Variants in SLC4A7 observed in about 807,000 individuals in gnomAD.
SLC4A7 encodes solute carrier family 4 member 7.
SLC4A7 carries 51 observed loss-of-function variants against 137.6 expected under a neutral mutation model. The observed-to-expected ratio is 0.37, with a 90% CI of 0.30 to 0.47. The LOEUF is 0.47. SLC4A7 is among the 20% of genes least tolerant of loss of function. SLC4A7 has a pLI of 1.00. For synonymous variants in SLC4A7, 542 were observed against 518.6 expected, an observed-to-expected ratio of 1.05 and a Z score of -0.61; for missense variants, 1,247 against 1,525.4, an observed-to-expected ratio of 0.82 and a Z score of 3.04.
At chr3:27,399,643 G>A (rs2052553683) in intron 16 of SLC4A7, among the ~76,000 whole-genome samples, 1 of 147,048 alleles carries the variant, frequency 6.8e-6, no homozygotes, top group East Asian at 2.0e-4. Flanking sequence ...TGTTGCCCAG[G>A]CTGGTCTCTA....
intron 11 of SLC4A7, among the ~76,000 whole-genome samples, chr3:27,418,150 A>G (rs575385609): frequency 6.6e-6 from 1 of 152,284 alleles, no homozygotes; most frequent in South Asian, 2.1e-4. Flanking sequence ...GAAAAAGAGA[A>G]TAAGGAATAT....
rs569145273 is a variant in SLC4A7, at chr3:27,375,853, C to T, written c.*911G>A. On this transcript the variant is annotated 3_prime_UTR_variant, in exon 26 of 26. Coordinates refer to ENST00000454389, the MANE Select transcript of SLC4A7 (RefSeq NM_001321103.2). Reference sequence around the variant, plus strand: ...GACCCTTCTGAGAGAATTCTAACTCCTGATTATTTACGCCTACTACTTATA... The same window carrying T: ...GACCCTTCTGAGAGAATTCTAACTCTTGATTATTTACGCCTACTACTTATA... 1.4e-3 allele frequency: 218 copies of T among 152,050 alleles called. No homozygotes were observed. Among genetic ancestry groups the T allele is most frequent in the African/African-American group, 5.1e-3 (211 of 41,536 alleles). The allele number at this position is 152,050 out of a possible 1,614,324, so 9.4% of individuals were successfully genotyped here.
chr3:27,435,933 G>C (rs1341123211), intron 5 of SLC4A7, among the ~76,000 whole-genome samples: 1 of 152,224 alleles, frequency 6.6e-6, no homozygotes, highest in Middle Eastern at 3.4e-3. Flanking sequence ...TAACACTACT[G>C]AAGAAATCTG....
intron 1 of SLC4A7, among the ~76,000 whole-genome samples, chr3:27,473,581 G>A (rs1042135016): frequency 1.3e-5 from 2 of 151,668 alleles, no homozygotes; most frequent in African/African-American, 4.8e-5. Flanking sequence ...GGTGGTGCGT[G>A]CCTGTAGTCC....
At chr3:27,455,804 C>T (rs1421382820) in intron 1 of SLC4A7, among the ~76,000 whole-genome samples, 5 of 151,640 alleles carry the variant, frequency 3.3e-5, no homozygotes, top group Non-Finnish European at 4.4e-5. Flanking sequence ...TTGCAGTGAG[C>T]GCATAGAGCG....
At chr3:27,401,130 TA>T (rs2052704232) in intron 15 of SLC4A7, 1 of 271,488 alleles carries the variant, frequency 3.7e-6, no homozygotes, top group African/African-American at 2.2e-5. Context: ...CTATTTTACT[TA>T]AAAATCTAAG....
intron 24 of SLC4A7, among the ~76,000 whole-genome samples, chr3:27,381,769 T>C (rs1427587350): frequency 1.3e-5 from 2 of 152,212 alleles, no homozygotes; most frequent in Non-Finnish European, 2.9e-5. Flanking sequence ...TTTCGCTAAC[T>C]AATCAGAAAT....
intron 1 of SLC4A7, among the ~76,000 whole-genome samples, chr3:27,476,640 G>C (rs1317989499): frequency 6.6e-6 from 1 of 152,124 alleles, no homozygotes; most frequent in Non-Finnish European, 1.5e-5. Context: ...GTTCTCATTA[G>C]TTCTCATGAG....
intron 1 of SLC4A7, among the ~76,000 whole-genome samples, chr3:27,466,174 G>A (rs1330132939): frequency 6.6e-6 from 1 of 151,046 alleles, no homozygotes; most frequent in Non-Finnish European, 1.5e-5. Flanking sequence ...TACATTGGCT[G>A]GGCGCGGTGG....
intron 1 of SLC4A7, among the ~76,000 whole-genome samples, chr3:27,459,235 T>C (rs1182927136): frequency 1.3e-5 from 2 of 152,110 alleles, no homozygotes; most frequent in African/African-American, 4.8e-5. Context: ...GACTTTTTAA[T>C]TTCCCAAATA....
At chr3:27,478,889 C>T (rs2059590104) in intron 1 of SLC4A7, among the ~76,000 whole-genome samples, 1 of 151,184 alleles carries the variant, frequency 6.6e-6, no homozygotes, top group Non-Finnish European at 1.5e-5. Flanking sequence ...CCTGTAATCC[C>T]AGCTACTGGG....
intron 10 of SLC4A7, 53 bp downstream of exon 10, chr3:27,420,647 A>C: frequency 2.7e-6 from 3 of 1,107,908 alleles, no homozygotes; most frequent in Non-Finnish European, 4.1e-6. Flanking sequence ...AATATATACT[A>C]TATGCTGCAT....
intron 13 of SLC4A7, among the ~76,000 whole-genome samples, chr3:27,408,591 T>G (rs2053607918): frequency 6.6e-6 from 1 of 152,166 alleles, no homozygotes; most frequent in African/African-American, 2.4e-5. Flanking sequence ...ATGAATGTTC[T>G]CCCAAGAATA....
At chr3:27,407,404 C>A (rs2053483637) in intron 13 of SLC4A7, among the ~76,000 whole-genome samples, 1 of 151,014 alleles carries the variant, frequency 6.6e-6, no homozygotes, top group Non-Finnish European at 1.5e-5. Context: ...TGCTTGAACC[C>A]GAGAAGCGGA....
intron 9 of SLC4A7, among the ~76,000 whole-genome samples, chr3:27,421,087 G>A (rs977117051): frequency 6.6e-6 from 1 of 152,012 alleles, no homozygotes; most frequent in African/African-American, 2.4e-5. Context: ...GAGCCACTGT[G>A]CCCAGCCGAT....
At chr3:27,395,937 A>G (rs1045532851) in intron 18 of SLC4A7, among the ~76,000 whole-genome samples, 28 of 152,176 alleles carry the variant, frequency 1.8e-4, no homozygotes, top group African/African-American at 6.8e-4. Context: ...AATACATGGT[A>G]TTTCCAAAGG....
intron 1 of SLC4A7, among the ~76,000 whole-genome samples, chr3:27,465,604 A>C (rs2058944087): frequency 6.6e-6 from 1 of 152,086 alleles, no homozygotes; most frequent in South Asian, 2.1e-4. Context: ...TAAAATTCTA[A>C]TTGTGAATTT....
chr3:27,403,665 G>A (rs757604387), intron 14 of SLC4A7, among the ~76,000 whole-genome samples: 12 of 151,864 alleles, frequency 7.9e-5, no homozygotes, highest in Non-Finnish European at 1.2e-4. Context: ...TCTACCAGGC[G>A]ATAAATATTT....
intron 3 of SLC4A7, among the ~76,000 whole-genome samples, chr3:27,441,130 G>T (rs1005371129): frequency 6.6e-6 from 1 of 152,240 alleles, no homozygotes; most frequent in East Asian, 1.9e-4. Flanking sequence ...CAGGTTCGAG[G>T]GTTTAGGAGA....
Sources: allele counts gnomAD v4.1 joint callset (sites outside exome capture counted in the v4.1 genomes callset), GRCh38; gene constraint gnomAD v4.1.1; transcripts MANE v1.5; gene names NCBI Gene and HGNC (gene_info 2026-07-23, HGNC 2026-07-21).